LHX8: variants seen among roughly 807,000 people sequenced by gnomAD.
LHX8 encodes LIM homeobox 8, also known as LIM/homeobox protein Lhx8.
Under a neutral mutation model 40.3 loss-of-function variants are expected in LHX8, and 12 were observed. The ratio of observed to expected loss-of-function variants is 0.30; its 90% CI spans 0.19 to 0.48. LHX8 has a LOEUF of 0.48. Ranked by LOEUF, LHX8 falls within the 20% of genes least tolerant of loss-of-function variation. The probability of loss-of-function intolerance (pLI) is 0.99; values close to 1 mark genes in which losing one functional copy is unlikely to be tolerated. For synonymous variants in LHX8, 179 were observed against 162.0 expected (o/e 1.10, Z -0.80); for missense variants, 344 against 433.7 (o/e 0.79, Z 1.84).
chr1:75,138,985 A>G (rs770454799), intron 3 of LHX8, among the ~76,000 whole-genome samples: 2 of 152,108 alleles, frequency 1.3e-5, no homozygotes, highest in Non-Finnish European at 2.9e-5. Flanking sequence ...CTGAATTATT[A>G]ACCTTTATTT....
At chr1:75,136,544 C>A in intron 1 of LHX8, 59 bp from the exon 2 acceptor site, 3 of 1,254,802 alleles carry the variant, frequency 2.4e-6, no homozygotes, top group Admixed American at 4.0e-5. Flanking sequence ...CTGGGGCGGG[C>A]AGCACGCTCG....
chr1:75,167,573 C>T, the LHX8 span, among the ~76,000 whole-genome samples: 4 of 152,200 alleles, frequency 2.6e-5, no homozygotes, highest in Non-Finnish European at 4.4e-5. Flanking sequence ...CCCCACACCC[C>T]ACCCCAATGT....
intron 7 of LHX8, among the ~76,000 whole-genome samples, chr1:75,156,622 T>G (rs1466110943): frequency 1.3e-5 from 2 of 152,200 alleles, no homozygotes; most frequent in Non-Finnish European, 2.9e-5. Context: ...CCAAAATCCC[T>G]TAAGCAATTG....
In LHX8 at chr1:75,161,131, T is replaced by G; in HGVS notation, c.*236T>G. 2.0e-6 allele frequency: 1 copy of G among 506,968 alleles called. No individual in the cohort carries two copies. The highest frequency in any genetic ancestry group is 3.3e-5 in the Admixed American group (1 of 30,226). 31.4% of individuals were successfully genotyped at this position (506,968 alleles called of 1,614,324 possible). A position where few individuals can be genotyped will look rare whatever the true frequency, so the allele number is the denominator to read the frequency against. On this transcript the variant is annotated 3_prime_UTR_variant, in exon 9 of 9. Coordinates refer to ENST00000356261, the MANE Select transcript of LHX8 (RefSeq NM_001256114.2). ...AAACAAATCAAAACATTTTTTGTAT[T>G]GTCTGGAAATAGTTCACTCTAGTGT...
the LHX8 span, among the ~76,000 whole-genome samples, chr1:75,187,362 C>T: frequency 6.6e-6 from 1 of 152,198 alleles, no homozygotes; most frequent in Non-Finnish European, 1.5e-5. Context: ...ACATGGAACT[C>T]TTCCTATTTT....
intron 7 of LHX8, among the ~76,000 whole-genome samples, chr1:75,151,457 A>T (rs371615091): frequency 1.3e-5 from 2 of 152,262 alleles, no homozygotes; most frequent in East Asian, 3.8e-4. Context: ...AGGGATATTT[A>T]TCTGGAGATA....
the LHX8 span, among the ~76,000 whole-genome samples, chr1:75,175,589 C>A: frequency 1.3e-5 from 2 of 152,186 alleles, no homozygotes; most frequent in Non-Finnish European, 1.5e-5. Context: ...CTAAGTTTGG[C>A]CATTTGTATT....
upstream of LHX8, among the ~76,000 whole-genome samples, chr1:75,134,058 C>T (rs1445732305): frequency 1.3e-5 from 2 of 151,972 alleles, no homozygotes; most frequent in Non-Finnish European, 2.9e-5. Context: ...CTGCTTGCTG[C>T]AGAAAGAGAT....
chr1:75,157,295 C>A (rs914019759), intron 8 of LHX8, among the ~76,000 whole-genome samples: 1 of 152,130 alleles, frequency 6.6e-6, no homozygotes, highest in African/African-American at 2.4e-5. Context: ...AGCTAAGATG[C>A]AAATATTAAT....
At chr1:75,132,630 T>A (rs1648002439), upstream of LHX8, 1 of 152,124 alleles carries the variant, frequency 6.6e-6, no homozygotes, top group South Asian at 2.1e-4. Flanking sequence ...AAAGACCGCA[T>A]AAATGCCCGC....
the LHX8 span, among the ~76,000 whole-genome samples, chr1:75,186,450 C>T: frequency 2.0e-5 from 3 of 152,320 alleles, no homozygotes; most frequent in South Asian, 2.1e-4. Flanking sequence ...AAAGGACTCC[C>T]TATTCAGTAA....
upstream of LHX8, chr1:75,132,760 C>T: frequency 6.9e-6 from 1 of 145,902 alleles, no homozygotes; most frequent in Non-Finnish European, 1.5e-5. Flanking sequence ...AACCCTAACA[C>T]ACACACACAC....
rs962244425 is a variant in LHX8 at position 75,161,024 on chromosome 1, G to A, written c.*129G>A. Reference sequence around the variant, plus strand: ...AAAGCATTTCCAACATCACTTTGCTGCCCAGGTATGTATCTATAGTTGGCC... The same window carrying A: ...AAAGCATTTCCAACATCACTTTGCTACCCAGGTATGTATCTATAGTTGGCC... On this transcript the variant is annotated 3_prime_UTR_variant, in exon 9 of 9. Transcript: ENST00000356261. The A allele has an allele frequency of 1.7e-5, 12 of 720,034 alleles. No homozygotes were observed. The Admixed American group carries it at 2.1e-4, about 13-fold the overall frequency. 44.6% of individuals were successfully genotyped at this position (720,034 alleles called of 1,614,324 possible).
Position 75,137,089 on chromosome 1 carries a change from G to A in LHX8, c.76-11G>A. 1.3e-6 allele frequency: 2 copies of A among 1,597,664 alleles called. No individual in the cohort carries two copies. The highest frequency in any genetic ancestry group is 1.7e-6 in the Non-Finnish European group (2 of 1,169,730). On this transcript the variant is annotated splice_polypyrimidine_tract_variant and intron_variant, in intron 2 of 8. Coordinates refer to ENST00000356261, the MANE Select transcript of LHX8 (RefSeq NM_001256114.2). ...GGTCTAGAACCGCCTGCGCCTCGCG[G>A]TTTCCTGCAGGTGAGCCCCGAGGGA...
At chr1:75,198,511 T>C in the LHX8 span, among the ~76,000 whole-genome samples, 2 of 152,176 alleles carry the variant, frequency 1.3e-5, no homozygotes, top group African/African-American at 4.8e-5. Context: ...CAGTTGTCAG[T>C]TGAGGAAGCC....
chr1:75,166,285 C>T (rs1649035353), downstream of LHX8, among the ~76,000 whole-genome samples: 1 of 152,206 alleles, frequency 6.6e-6, no homozygotes, highest in South Asian at 2.1e-4. Flanking sequence ...CATCTACTTC[C>T]TGTCTACATT....
At chr1:75,137,685 C>A (rs555208470) in intron 3 of LHX8, among the ~76,000 whole-genome samples, 1 of 152,362 alleles carries the variant, frequency 6.6e-6, no homozygotes, top group East Asian at 1.9e-4. Context: ...CCCAGTGACG[C>A]CCACGCCCAT....
chr1:75,150,263 C>A (rs924256685), intron 7 of LHX8, among the ~76,000 whole-genome samples: 5 of 152,134 alleles, frequency 3.3e-5, no homozygotes, highest in Admixed American at 2.6e-4. Flanking sequence ...TTATAAATTT[C>A]AAGTCAAAGT....
At chr1:75,194,413 CA>C in the LHX8 span, among the ~76,000 whole-genome samples, 23 of 152,174 alleles carry the variant, frequency 1.5e-4, no homozygotes, top group Admixed American at 1.5e-3. Context: ...GCCTTGTCTG[CA>C]ACATAATTGT....
Sources: gnomAD v4.1 joint callset for allele counts (sites outside exome capture counted in the v4.1 genomes callset) on GRCh38, gnomAD v4.1.1 for gene constraint, MANE v1.5 for transcripts, NCBI Gene and HGNC (gene_info 2026-07-23, HGNC 2026-07-21) for gene names.